The following FSD1L variants were observed in gnomAD, a reference collection of about 807,000 sequenced individuals.
FSD1L encodes fibronectin type III and SPRY domain containing 1 like, also known as FSD1-like protein.
In FSD1L, 45 loss-of-function variants were observed where a neutral mutation model predicts 71.6. That is an observed-to-expected ratio of 0.63 (90% CI 0.49 to 0.81). The LOEUF (loss-of-function observed/expected upper bound fraction) is 0.81, where lower values mean the gene tolerates loss of function less well. FSD1L is among the 30% of genes least tolerant of loss of function. The pLI, the probability that FSD1L is intolerant of heterozygous loss-of-function variation, is 0.00. For synonymous variants in FSD1L, 197 were observed against 207.2 expected (o/e 0.95, Z 0.42); for missense variants, 561 against 618.1 (o/e 0.91, Z 0.98).
Position 105,448,044 on chromosome 9 carries a change from G to T in FSD1L, c.-177G>T. 1 of 686,540 alleles carries T rather than the reference G, an allele frequency of 1.5e-6. No individual in the cohort carries two copies. The highest frequency in any genetic ancestry group is 1.7e-5 in the South Asian group (1 of 59,444). The allele number at this position is 686,540 out of a possible 1,614,324, so 42.5% of individuals were successfully genotyped here. ...CTTCTGCGGGCCGCCCTTTCACCCT[G>T]GCAACCGCGGCGTGACTACGGCGCG... On this transcript the variant is annotated 5_prime_UTR_variant, in exon 1 of 14. Coordinates refer to ENST00000481272, the MANE Select transcript of FSD1L (RefSeq NM_001145313.3).
chr9:105,525,599 A>G (rs1210273384), intron 10 of FSD1L: 6 of 1,612,886 alleles, frequency 3.7e-6, no homozygotes, highest in Non-Finnish European at 5.1e-6. Flanking sequence ...AGGAGCTTTC[A>G]TCTCCTGAAG....
chr9:105,458,395 G>C (rs547327732), intron 1 of FSD1L, among the ~76,000 whole-genome samples: 2 of 152,122 alleles, frequency 1.3e-5, no homozygotes, highest in African/African-American at 4.8e-5. Context: ...GCCTTTTGGC[G>C]GTTCCTGAGT....
intron 13 of FSD1L, among the ~76,000 whole-genome samples, chr9:105,541,937 G>A (rs945773618): frequency 6.6e-6 from 1 of 152,166 alleles, no homozygotes; most frequent in Non-Finnish European, 1.5e-5. Context: ...CATCCATGTT[G>A]TTGTGGTGTC....
chr9:105,450,707 T>G (rs2131557558), intron 1 of FSD1L, among the ~76,000 whole-genome samples: 1 of 151,582 alleles, frequency 6.6e-6, no homozygotes, highest in South Asian at 2.1e-4. Flanking sequence ...CTAATTTTTG[T>G]ATTTTTAGTA....
intron 1 of FSD1L, among the ~76,000 whole-genome samples, chr9:105,450,687 C>T (rs1041777995): frequency 2.0e-5 from 3 of 151,948 alleles, no homozygotes; most frequent in Non-Finnish European, 4.4e-5. Flanking sequence ...GCGCCTGCCA[C>T]CACCCCTGGC....
At chr9:105,503,565 T>A (rs1376795136) in intron 7 of FSD1L, among the ~76,000 whole-genome samples, 1 of 152,228 alleles carries the variant, frequency 6.6e-6, no homozygotes, top group Non-Finnish European at 1.5e-5. Flanking sequence ...AGAGAAAACA[T>A]TTAGCAAATT....
intron 7 of FSD1L, 110 bp downstream of exon 7, chr9:105,484,612 T>C: frequency 1.6e-6 from 1 of 634,674 alleles, no homozygotes; most frequent in Non-Finnish European, 2.4e-6. Context: ...AGTGTGATTT[T>C]TTTTTCATTC....
intron 7 of FSD1L, among the ~76,000 whole-genome samples, chr9:105,499,861 C>T (rs1303535202): frequency 2.0e-5 from 3 of 152,184 alleles, no homozygotes; most frequent in Admixed American, 1.3e-4. Flanking sequence ...ATATTCTGTT[C>T]TGTGGGGTTT....
intron 10 of FSD1L, among the ~76,000 whole-genome samples, chr9:105,514,912 A>C (rs965327807): frequency 7.2e-5 from 11 of 152,092 alleles, no homozygotes; most frequent in Admixed American, 5.9e-4. Flanking sequence ...CAGAGTGGAG[A>C]AAAGTGTTTT....
chr9:105,533,527 A>G (rs1380067095), intron 10 of FSD1L, among the ~76,000 whole-genome samples: 2 of 144,712 alleles, frequency 1.4e-5, no homozygotes, highest in African/African-American at 2.6e-5. Flanking sequence ...GGTTCAGGCA[A>G]TTCTCCTGCC....
At chr9:105,513,071 A>G in intron 10 of FSD1L, 135 bp downstream of exon 10, 1 of 661,406 alleles carries the variant, frequency 1.5e-6, no homozygotes, top group Non-Finnish European at 2.3e-6. Context: ...AAAGTGAAGA[A>G]TATAATACTA....
At chr9:105,542,908 T>C (rs1836723239) in intron 13 of FSD1L, among the ~76,000 whole-genome samples, 1 of 152,128 alleles carries the variant, frequency 6.6e-6, no homozygotes, top group East Asian at 1.9e-4. Flanking sequence ...AATTTGGTAA[T>C]TTTTTTCCCT....
chr9:105,460,855 T>TA (rs1239414409), intron 1 of FSD1L, among the ~76,000 whole-genome samples: 2 of 152,172 alleles, frequency 1.3e-5, no homozygotes, highest in Non-Finnish European at 2.9e-5. Flanking sequence ...GAGAGGAGTG[T>TA]ATTTGTTTCT....
intron 7 of FSD1L, among the ~76,000 whole-genome samples, chr9:105,504,672 G>A (rs770431842): frequency 6.6e-6 from 1 of 152,190 alleles, no homozygotes; most frequent in African/African-American, 2.4e-5. Context: ...TTATTTGCAT[G>A]TAACCTATGC....
intron 11 of FSD1L, among the ~76,000 whole-genome samples, chr9:105,534,795 G>A (rs900941537): frequency 6.6e-6 from 1 of 152,108 alleles, no homozygotes; most frequent in African/African-American, 2.4e-5. Context: ...TTCAGCTTAC[G>A]TAGTGTTCCC....
At chr9:105,525,823 C>G in intron 10 of FSD1L, 1 of 1,605,172 alleles carries the variant, frequency 6.2e-7, no homozygotes, top group Non-Finnish European at 8.5e-7. Context: ...GGGAGGACTA[C>G]AAAAAAACAA....
In FSD1L at chr9:105,520,128, A is replaced by G. The variant is rs1835041472; in HGVS notation, c.1025+7192A>G. 2.5e-6 allele frequency: 4 copies of G among 1,598,720 alleles called. No individual in the cohort carries two copies. In the East Asian group the frequency reaches 6.7e-5, roughly 27 times the overall value. ...TGGCAGTGGCAGTGGCAGCGGCAGG[A>G]TGTTCTCCAAGAAGCCGCACGGGGA... On this transcript the variant is annotated intron_variant, in intron 10 of 13. Coordinates refer to ENST00000481272, the MANE Select transcript of FSD1L (RefSeq NM_001145313.3).
chr9:105,453,637 T>TA (rs2131575307), intron 1 of FSD1L, among the ~76,000 whole-genome samples: 1 of 152,326 alleles, frequency 6.6e-6, no homozygotes, highest in South Asian at 2.1e-4. Flanking sequence ...TTGACATACT[T>TA]ATGACCACTA....
Position 105,506,469 on chromosome 9 carries a change from A to C in FSD1L, c.657A>C (p.Arg219Ser). 4 of 1,551,476 alleles carry C rather than the reference A, an allele frequency of 2.6e-6. No individual in the cohort carries two copies. In the South Asian group the frequency reaches 4.8e-5, roughly 18 times the overall value. The stretch of plus-strand genomic sequence containing the variant: ...ATAACTCTGTAACAGTGGCTTGGAG[A>C]ATGCCAGAAGAAGATAATAAGATTG... ...VADNSVTVAWRMPEEDNKIDH... is the reference protein window; with the variant it reads ...VADNSVTVAWSMPEEDNKIDH... Residue 219 changes from arginine (R) to serine (S), a missense_variant, in exon 8 of 14, where the codon AGA becomes AGC. Around this residue, in one of 3 missense-constraint regions of FSD1L, gnomAD observed 410 missense variants for 413.5 expected, o/e 0.99. Coordinates refer to ENST00000481272, the MANE Select transcript of FSD1L (RefSeq NM_001145313.3).
Sources: allele counts gnomAD v4.1 joint callset (sites outside exome capture counted in the v4.1 genomes callset), GRCh38; gene constraint gnomAD v4.1.1; regional missense constraint gnomAD v4.1.1; transcripts MANE v1.5; gene names NCBI Gene and HGNC (gene_info 2026-07-23, HGNC 2026-07-21).